GATAD2B: variants seen among roughly 807,000 people sequenced by gnomAD.
The protein encoded by GATAD2B is GATA zinc finger domain containing 2B.
GATAD2B carries 8 observed loss-of-function variants against 64.3 expected under a neutral mutation model. That is an observed-to-expected ratio of 0.12 (90% confidence interval 0.07 to 0.22). The LOEUF (loss-of-function observed/expected upper bound fraction) is 0.22. Ranked by LOEUF, GATAD2B falls within the 10% of genes least tolerant of loss-of-function variation. The probability of loss-of-function intolerance (pLI) is 1.00; values close to 1 mark genes in which losing one functional copy is unlikely to be tolerated. For missense variants in GATAD2B, 453 were observed against 752.0 expected, an observed-to-expected ratio of 0.60 and a Z score of 4.65; for synonymous variants, 281 against 271.3, an observed-to-expected ratio of 1.04 and a Z score of -0.35.
intron 1 of GATAD2B, among the ~76,000 whole-genome samples, chr1:153,858,014 T>C (rs996044570): frequency 2.6e-5 from 4 of 152,202 alleles, no homozygotes; most frequent in Admixed American, 6.5e-5. Flanking sequence ...TGGAGAAATC[T>C]GGAGATGCAA....
chr1:153,864,609 C>A (rs1376388476), intron 1 of GATAD2B, among the ~76,000 whole-genome samples: 2 of 150,870 alleles, frequency 1.3e-5, no homozygotes, highest in African/African-American at 4.9e-5. Context: ...AAAGCAAAAC[C>A]CTGTGAAAGA....
chr1:153,819,141 A>G (rs780355788), intron 3 of GATAD2B, among the ~76,000 whole-genome samples: 2 of 152,220 alleles, frequency 1.3e-5, no homozygotes, highest in Non-Finnish European at 2.9e-5. Flanking sequence ...ACCACGTATA[A>G]ATGCTAATCA....
chr1:153,872,750 G>A (rs911429230), intron 1 of GATAD2B, among the ~76,000 whole-genome samples: 6 of 152,064 alleles, frequency 3.9e-5, no homozygotes, highest in African/African-American at 1.2e-4. Context: ...CTTTCATCAA[G>A]TAAAAATGCT....
rs1330031762 is a variant in GATAD2B, at chr1:153,898,960, G to T, written c.-2+23773C>A. ...AGAAGCTCAACTAGGAACCGTACAT[G>T]CTCCTTACTCCTGAAGTTGCCCCTG... is the stretch of plus-strand genomic sequence containing the variant. On this transcript the variant is annotated intron_variant, in intron 1 of 10. Transcript: ENST00000368655. 3 of 152,190 alleles carry T rather than the reference G, an allele frequency of 2.0e-5. No individual in the cohort carries two copies. In the East Asian group the frequency reaches 5.8e-4, roughly 29 times the overall value. The allele number at this position is 152,190 out of a possible 1,614,324, so 9.4% of individuals were successfully genotyped here.
At chr1:153,824,612 TAAAAAAAAAA>T (rs771879855) in intron 2 of GATAD2B, among the ~76,000 whole-genome samples, 5 of 96,698 alleles carry the variant, frequency 5.2e-5, no homozygotes, top group African/African-American at 1.6e-4. Flanking sequence ...ACTCTGCCTT[TAAAAAAAAAA>T]AAAAAAAAAA....
chr1:153,914,157 C>T (rs1251987018), intron 1 of GATAD2B, among the ~76,000 whole-genome samples: 11 of 129,898 alleles, frequency 8.5e-5, no homozygotes, highest in Admixed American at 7.4e-4. Flanking sequence ...ACAGGAGAAT[C>T]GTTTGAACCC....
chr1:153,821,839 T>C (rs1412423582), intron 2 of GATAD2B, among the ~76,000 whole-genome samples: 1 of 151,678 alleles, frequency 6.6e-6, no homozygotes, highest in Non-Finnish European at 1.5e-5. Context: ...GTGTTGAGAT[T>C]ACAGGCATGA....
chr1:153,873,224 G>A (rs558750227), intron 1 of GATAD2B, among the ~76,000 whole-genome samples: 48 of 152,158 alleles, frequency 3.2e-4, no homozygotes, highest in Non-Finnish European at 3.7e-4. Context: ...AAAACTGCTA[G>A]GCTACTCTAA....
At chr1:153,919,784 A>AT (rs1365692403) in intron 1 of GATAD2B, among the ~76,000 whole-genome samples, 1 of 152,236 alleles carries the variant, frequency 6.6e-6, no homozygotes, top group Non-Finnish European at 1.5e-5. Context: ...ATTTACAGTC[A>AT]ATCTGGGTGT....
chr1:153,892,940 G>A (rs1296000336), intron 1 of GATAD2B, among the ~76,000 whole-genome samples: 2 of 151,982 alleles, frequency 1.3e-5, no homozygotes, highest in African/African-American at 4.8e-5. Context: ...TGATCCACCC[G>A]CCTCGGCCTC....
intron 1 of GATAD2B, among the ~76,000 whole-genome samples, chr1:153,861,818 G>GTATATA (rs909550723): frequency 1.9e-5 from 2 of 107,778 alleles, no homozygotes; most frequent in Non-Finnish European, 2.0e-5. Context: ...ATACACATAT[G>GTATATA]TATATATATG....
intron 1 of GATAD2B, among the ~76,000 whole-genome samples, chr1:153,829,470 G>C (rs1396008386): frequency 1.3e-5 from 2 of 152,146 alleles, no homozygotes; most frequent in Non-Finnish European, 2.9e-5. Flanking sequence ...GGGCGTGGTG[G>C]CTCACACCTA....
intron 1 of GATAD2B, among the ~76,000 whole-genome samples, chr1:153,897,587 A>G (rs918952447): frequency 6.6e-6 from 1 of 152,178 alleles, no homozygotes; most frequent in Non-Finnish European, 1.5e-5. Flanking sequence ...GACTAAGTAC[A>G]TATTTTCTAC....
At chr1:153,873,497 A>G (rs746383838) in intron 1 of GATAD2B, among the ~76,000 whole-genome samples, 2 of 152,182 alleles carry the variant, frequency 1.3e-5, no homozygotes, top group African/African-American at 4.8e-5. Context: ...TGGGTCTGTA[A>G]TAAAAGCCAA....
chr1:153,883,125 ACAT>A (rs1360370021), intron 1 of GATAD2B, among the ~76,000 whole-genome samples: 5 of 152,198 alleles, frequency 3.3e-5, no homozygotes, highest in Admixed American at 2.6e-4. Flanking sequence ...TCTGAAATTC[ACAT>A]CATAATTACT....
chr1:153,912,613 T>C (rs1036256574), intron 1 of GATAD2B, among the ~76,000 whole-genome samples: 1 of 152,190 alleles, frequency 6.6e-6, no homozygotes, highest in African/African-American at 2.4e-5. Context: ...ATCCTTTTGA[T>C]GGCAACACAT....
intron 10 of GATAD2B, among the ~76,000 whole-genome samples, chr1:153,810,933 T>C (rs750534427): frequency 4.0e-5 from 6 of 151,878 alleles, no homozygotes; most frequent in Admixed American, 6.6e-5. Context: ...CGGGCTAATT[T>C]TTTGTATTTT....
At chr1:153,872,654 G>T (rs1344567284) in intron 1 of GATAD2B, among the ~76,000 whole-genome samples, 2 of 151,822 alleles carry the variant, frequency 1.3e-5, no homozygotes, top group Non-Finnish European at 2.9e-5. Context: ...TTTTATCACT[G>T]GGCAAAAATA....
chr1:153,874,890 T>C (rs1370399487), intron 1 of GATAD2B, among the ~76,000 whole-genome samples: 1 of 151,962 alleles, frequency 6.6e-6, no homozygotes, highest in Non-Finnish European at 1.5e-5. Context: ...TTATTTATTT[T>C]TGAAACAGGG....
Sources: allele counts gnomAD v4.1 joint callset (sites outside exome capture counted in the v4.1 genomes callset), GRCh38; gene constraint gnomAD v4.1.1; transcripts MANE v1.5; gene names NCBI Gene and HGNC (gene_info 2026-07-23, HGNC 2026-07-21).